MAP3K19: variants seen among roughly 807,000 people sequenced by gnomAD.
MAP3K19 encodes the protein mitogen-activated protein kinase kinase kinase 19.
Under a neutral mutation model 114.4 loss-of-function variants are expected in MAP3K19, and 91 were observed. That is an observed-to-expected ratio of 0.80 (90% CI 0.67 to 0.95). The LOEUF (loss-of-function observed/expected upper bound fraction) is 0.95. MAP3K19 is among the 40% of genes least tolerant of loss of function. The probability of loss-of-function intolerance (pLI) is 0.00; values close to 1 mark genes in which losing one functional copy is unlikely to be tolerated. For synonymous variants in MAP3K19, 518 were observed against 530.5 expected (o/e 0.98, Z 0.32); for missense variants, 1,471 against 1,573.2 (o/e 0.94, Z 1.10).
Position 134,981,426 on chromosome 2 carries a change from G to T in MAP3K19, c.3315C>A (p.Tyr1105Ter). ...TSNKLAAEKEYRKLQEEVDLL... is the reference protein window; with the variant it reads ...TSNKLAAEKE ...AATCTACTTCTTCCTGTAGTTTCCG[G>T]TATTCCTTTTCAGCAGCTAATTTAT... The change falls in exon 12 of 13, where the codon TAC becomes TAA. Residue 1105 changes from tyrosine to a stop codon, truncating the protein, a stop_gained. Transcript: ENST00000392915. LOFTEE classifies it high-confidence loss of function. The T allele has an allele frequency of 1.2e-6, 2 of 1,614,154 alleles. No homozygotes were observed. Among genetic ancestry groups the T allele is most frequent in the Non-Finnish European group, 1.7e-6 (2 of 1,180,034 alleles).
Position 135,005,482 on chromosome 2 carries a change from T to C in MAP3K19, c.188A>G (p.Glu63Gly), listed in dbSNP as rs1195021373. The change falls in exon 6 of 13, where the codon GAA (glutamate) becomes GGA (glycine). Residue 63 changes from glutamate to glycine, a missense_variant. Glu to Gly is a moderately conservative substitution (Grantham distance 98, BLOSUM62 -2). Coordinates refer to ENST00000392915, the MANE Select transcript of MAP3K19 (RefSeq NM_025052.5). ...DCSHSTLVNE[E>G]EDPSGGRQDW... ...CTGTCTACCACCACTGGGATCTTCT[T>C]CTTCATTAACCAGTGTGGAATGACT... 1.2e-6 allele frequency: 2 copies of C among 1,614,154 alleles called. No individual in the cohort carries two copies. The highest frequency in any genetic ancestry group is 1.7e-6 in the Non-Finnish European group (2 of 1,179,990).
At chr2:134,985,653 C>T in intron 10 of MAP3K19, 147 bp downstream of exon 10, 1 of 680,890 alleles carries the variant, frequency 1.5e-6, no homozygotes, top group Non-Finnish European at 2.2e-6. Flanking sequence ...ACCTGATTTC[C>T]AACCTTGTGA....
intron 2 of MAP3K19, among the ~76,000 whole-genome samples, chr2:135,032,405 T>A (rs1558744181): frequency 6.7e-6 from 1 of 149,558 alleles, no homozygotes; most frequent in Non-Finnish European, 1.5e-5. Context: ...TGTCAGTTCC[T>A]CAAATGATTA....
intron 2 of MAP3K19, among the ~76,000 whole-genome samples, chr2:135,039,540 T>A (rs932913265): frequency 2.0e-5 from 3 of 152,094 alleles, no homozygotes; most frequent in Non-Finnish European, 4.4e-5. Flanking sequence ...GCCCAGATGG[T>A]GCCACTGTAC....
At chr2:134,994,673 A>G (rs971505851) in intron 8 of MAP3K19, among the ~76,000 whole-genome samples, 1 of 152,200 alleles carries the variant, frequency 6.6e-6, no homozygotes, top group African/African-American at 2.4e-5. Context: ...GCTGAGAGAA[A>G]AGGTCCATTG....
intron 6 of MAP3K19, among the ~76,000 whole-genome samples, chr2:135,003,817 G>T (rs539745630): frequency 1.3e-5 from 2 of 152,320 alleles, no homozygotes; most frequent in African/African-American, 4.8e-5. Context: ...GCCTCCCAAA[G>T]TGCTGGGATT....
Position 135,024,758 on chromosome 2 carries a change from C to T in MAP3K19, c.-94-17G>A, listed in dbSNP as rs1001541766. 5 of 902,584 alleles carry T rather than the reference C, an allele frequency of 5.5e-6. No individual in the cohort carries two copies. The highest frequency in any genetic ancestry group is 7.1e-6 in the Non-Finnish European group (4 of 567,124). The allele number at this position is 902,584 out of a possible 1,614,324, so 55.9% of individuals were successfully genotyped here. ...TTAGGATCTCTAGGAAGAACAGAAT[C>T]AACATTAAAGTTTATTTAGTTGAAT... On this transcript the variant is annotated splice_polypyrimidine_tract_variant and intron_variant, in intron 3 of 12. Coordinates refer to ENST00000392915, the MANE Select transcript of MAP3K19 (RefSeq NM_025052.5).
chr2:135,025,449 G>A lies in MAP3K19; in HGVS notation c.-94-708C>T, dbSNP rs966535674. On this transcript the variant is annotated intron_variant, in intron 3 of 12. Coordinates refer to ENST00000392915, the MANE Select transcript of MAP3K19 (RefSeq NM_025052.5). Reference sequence around the variant, plus strand: ...CACCCAGGCTGGAGTGCAGTGGCGCGATCTCGGCTCACTGCAAGCTCTGCC... The same window carrying A: ...CACCCAGGCTGGAGTGCAGTGGCGCAATCTCGGCTCACTGCAAGCTCTGCC... 1.2e-4 allele frequency among the ~76,000 whole-genome samples: 16 copies of A among 136,892 alleles called. No individual in the cohort carries two copies. The South Asian group carries it at 2.6e-3, about 22-fold the overall frequency. 89.8% of individuals were successfully genotyped at this position (136,892 alleles called of 152,430 possible).
At position 134,980,912 on chromosome 2, in the gene MAP3K19, A is replaced by T; in HGVS notation, c.3829T>A (p.Phe1277Ile). The T allele has an allele frequency of 6.2e-7, 1 of 1,614,212 alleles. No individual in the cohort carries two copies. Among genetic ancestry groups the T allele is most frequent in the East Asian group, 2.2e-5 (1 of 44,878 alleles). The change falls in exon 12 of 13, where the codon TTT (phenylalanine) becomes ATT (isoleucine). Residue 1277 changes from phenylalanine (F) to isoleucine (I), a missense_variant. Physicochemically the swap from Phe to Ile is conservative, Grantham distance 21 (BLOSUM62 0). Transcript: ENST00000392915. The stretch of plus-strand genomic sequence containing the variant: ...AGCCCTCGGTGTGCTCCGATGTAAA[A>T]CATGGCGGCCATCCTGTCCATGGAA... ...LASMDRMAAMFYIGAHRGLMP... is the reference protein window; with the variant it reads ...LASMDRMAAMIYIGAHRGLMP...
chr2:134,980,429 T>C (rs1314269362), intron 12 of MAP3K19, among the ~76,000 whole-genome samples: 1 of 151,960 alleles, frequency 6.6e-6, no homozygotes, highest in Non-Finnish European at 1.5e-5. Context: ...AAATCTCCAA[T>C]TTGTTTCTTT....
intron 12 of MAP3K19, among the ~76,000 whole-genome samples, chr2:134,976,843 G>A (rs1044487546): frequency 1.3e-4 from 20 of 151,534 alleles, no homozygotes; most frequent in African/African-American, 4.4e-4. Flanking sequence ...TCAGGAGTTC[G>A]AGACCAGCCT....
At chr2:134,998,257 C>T (rs551603757) in intron 8 of MAP3K19, among the ~76,000 whole-genome samples, 8 of 152,104 alleles carry the variant, frequency 5.3e-5, no homozygotes, top group Non-Finnish European at 1.0e-4. Context: ...GCATCCACAG[C>T]GTGGGCCCCC....
intron 5 of MAP3K19, among the ~76,000 whole-genome samples, chr2:135,014,143 A>T (rs1687421876): frequency 6.6e-6 from 1 of 152,156 alleles, no homozygotes; most frequent in Non-Finnish European, 1.5e-5. Flanking sequence ...ACTTCAGGCC[A>T]GGAGTTCGAG....
intron 3 of MAP3K19, among the ~76,000 whole-genome samples, chr2:135,029,088 T>C (rs1688319697): frequency 6.6e-6 from 1 of 152,242 alleles, no homozygotes; most frequent in Middle Eastern, 3.4e-3. Flanking sequence ...AAAACAGACA[T>C]TGGGCCGGGC....
intron 5 of MAP3K19, among the ~76,000 whole-genome samples, chr2:135,006,281 C>G (rs1372185578): frequency 6.6e-6 from 1 of 152,194 alleles, no homozygotes; most frequent in African/African-American, 2.4e-5. Context: ...GTTAAAACAT[C>G]CCATCACAAC....
chr2:135,011,499 T>C (rs940309454), intron 5 of MAP3K19, among the ~76,000 whole-genome samples: 17 of 146,388 alleles, frequency 1.2e-4, no homozygotes, highest in South Asian at 2.1e-4. Flanking sequence ...ATCGCGCCAC[T>C]GTACTCCAGC....
In MAP3K19 at chr2:134,987,590, T is replaced by C. The variant is rs1217570856; in HGVS notation, c.1282A>G (p.Met428Val). Residue 428 changes from methionine (M) to valine (V), a missense_variant, in exon 10 of 13, where the codon ATG becomes GTG. Met to Val is a conservative substitution (Grantham distance 21). Transcript: ENST00000392915. ...KRVSLHKNEA[M>V]EPNNILEECT... ...TCTTCTAAAATATTGTTTGGTTCCA[T>C]TGCTTCATTTTTATGTAATGAAACT... 6.2e-7 allele frequency: 1 copy of C among 1,614,136 alleles called. No individual in the cohort carries two copies. Among genetic ancestry groups the C allele is most frequent in the South Asian group, 1.1e-5 (1 of 91,086 alleles).
Position 134,986,148 on chromosome 2 carries a change from G to A in MAP3K19, c.2724C>T (p.Phe908=), listed in dbSNP as rs1559149461. 6.2e-7 allele frequency: 1 copy of A among 1,613,868 alleles called. No homozygotes were observed. The highest frequency in any genetic ancestry group is 1.7e-5 in the Admixed American group (1 of 59,986). ...DHSKTLTNFS[F]QAKQESASSQ... ...AAGATGCACTTTCTTGTTTTGCTTG[G>A]AAAGAGAAATTTGTAAGTGTTTTAG... The change falls in exon 10 of 13, where the codon TTC becomes TTT. Residue 908 remains phenylalanine, a synonymous_variant. Transcript: ENST00000392915.
rs1487337078 is a variant in MAP3K19, at chr2:134,987,663, A to G, written c.1209T>C (p.Thr403=). The G allele has an allele frequency of 6.2e-7, 1 of 1,613,714 alleles. No individual in the cohort carries two copies. Among genetic ancestry groups the G allele is most frequent in the East Asian group, 2.2e-5 (1 of 44,870 alleles). Residue 403 remains threonine (T), a synonymous_variant, in exon 10 of 13, where the codon ACT becomes ACC. Coordinates refer to ENST00000392915, the MANE Select transcript of MAP3K19 (RefSeq NM_025052.5). ...KFQETQHSEI[T]PSQDEEMRNN... is the part of the protein sequence containing the mutation. ...TTCTCATCTCTTCATCCTGGCTTGG[A>G]GTTATTTCTGAATGCTGGGTTTCTT...
Sources: gnomAD v4.1 joint callset for allele counts (sites outside exome capture counted in the v4.1 genomes callset) on GRCh38, gnomAD v4.1.1 for gene constraint, MANE v1.5 for transcripts, NCBI Gene and HGNC (gene_info 2026-07-23, HGNC 2026-07-21) for gene names.